Variants in LAPTM5 observed in about 807,000 individuals in gnomAD.
LAPTM5 encodes the protein lysosomal-associated transmembrane protein 5.
In LAPTM5, 11 loss-of-function variants were observed where a neutral mutation model predicts 30.1. That is an observed-to-expected ratio of 0.37 (90% confidence interval 0.23 to 0.60). The LOEUF is 0.60. Among genes scored for constraint, LAPTM5 ranks in the 20% least tolerant of loss-of-function variants. The pLI, the probability that LAPTM5 is intolerant of heterozygous loss-of-function variation, is 0.71. For synonymous variants in LAPTM5, 151 were observed against 137.9 expected, an observed-to-expected ratio of 1.10 and a Z score of -0.67; for missense variants, 324 against 332.5, an observed-to-expected ratio of 0.97 and a Z score of 0.20.
Position 30,739,704 on chromosome 1 carries a change from C to T in LAPTM5, c.387+105G>A. 1 of 1,344,358 alleles carries T rather than the reference C, an allele frequency of 7.4e-7. No homozygotes were observed. Among genetic ancestry groups the T allele is most frequent in the Non-Finnish European group, 9.9e-7 (1 of 1,014,300 alleles). The allele number at this position is 1,344,358 out of a possible 1,614,324, so 83.3% of individuals were successfully genotyped here. ...AAGACACCAGCCAGGAAGAGGGCTC[C>T]TACCCTCCCCAGCCTGAGCACAGGG... On this transcript the variant is annotated intron_variant, in intron 4 of 7. Transcript: ENST00000294507. The surrounding 1 kb of genome is among the most constrained non-coding windows in gnomAD (Gnocchi z 4.2).
chr1:30,742,957 G>A (rs988710361), intron 1 of LAPTM5, among the ~76,000 whole-genome samples: 1 of 152,086 alleles, frequency 6.6e-6, no homozygotes, highest in Non-Finnish European at 1.5e-5. Flanking sequence ...TGGGGTGGGG[G>A]GTAGAAGCTG....
Position 30,757,637 on chromosome 1 carries a change from C to T in LAPTM5, c.87+22G>A, listed in dbSNP as rs745667466. On this transcript the variant is annotated intron_variant, in intron 1 of 7. Transcript: ENST00000294507. ...ACTCACACAAGCACGCACGCACACA[C>T]ACCCGGGGCCCGCACACTCACCACA... The T allele has an allele frequency of 6.2e-6, 10 of 1,610,378 alleles. No homozygotes were observed. The East Asian group carries it at 1.1e-4, about 18-fold the overall frequency.
intron 3 of LAPTM5, 85 bp from the exon 4 acceptor site, chr1:30,740,022 T>A: frequency 7.1e-7 from 1 of 1,415,040 alleles, no homozygotes; most frequent in Non-Finnish European, 9.4e-7. Flanking sequence ...ATGCATCCCC[T>A]TCCCACCCTC....
rs907192764 is a variant in LAPTM5 at position 30,746,234 on chromosome 1, G to A, written c.88-3685C>T. ...TTCCCCTGGGGCCATTGGGATGACA[G>A]AACGCAGGAGGGTCAGTGGGGTGGA... On this transcript the variant is annotated intron_variant, in intron 1 of 7. Transcript: ENST00000294507. The surrounding 1 kb of genome is among the most constrained non-coding windows in gnomAD (Gnocchi z 4.0). The A allele has an allele frequency of 6.6e-6, 1 of 152,272 alleles. No individual in the cohort carries two copies. The highest frequency in any genetic ancestry group is 1.5e-5 in the Non-Finnish European group (1 of 68,110). 9.4% of individuals were successfully genotyped at this position (152,272 alleles called of 1,614,324 possible).
intron 1 of LAPTM5, among the ~76,000 whole-genome samples, chr1:30,745,642 G>A (rs149088114): frequency 9.2e-5 from 14 of 152,312 alleles, no homozygotes; most frequent in African/African-American, 2.9e-4. Flanking sequence ...GTCACAGAGC[G>A]AGGCAACCTC....
At position 30,738,988 on chromosome 1, in the gene LAPTM5, G is replaced by A; in HGVS notation, c.462C>T (p.Ser154=). ...TGAGATAGGTGGGCACTTCCATGTA[G>A]GAGCTGCAGAGGGTCAGGATGCTCA... The part of the protein sequence containing the change: ...FCLSILTLCS[S]YMEVPTYLNF... Residue 154 remains serine (S), a synonymous_variant, in exon 5 of 8, where the codon TCC becomes TCT. Transcript: ENST00000294507. 1 of 1,608,412 alleles carries A rather than the reference G, an allele frequency of 6.2e-7. No homozygotes were observed. Among genetic ancestry groups the A allele is most frequent in the Non-Finnish European group, 8.5e-7 (1 of 1,177,848 alleles).
Position 30,733,530 on chromosome 1 carries a change from AC to A in LAPTM5, c.*297del. ...AAGTCGATAGTTGCTTGACAAACTC[AC>A]CAACTTTAGAATGGCCAATCGTCTA... On this transcript the variant is annotated 3_prime_UTR_variant, in exon 8 of 8. Coordinates refer to ENST00000294507, the MANE Select transcript of LAPTM5 (RefSeq NM_006762.3). 1 of 1,439,078 alleles carries A rather than the reference AC, an allele frequency of 6.9e-7. No individual in the cohort carries two copies. 89.1% of individuals were successfully genotyped at this position (1,439,078 alleles called of 1,614,324 possible).
chr1:30,755,297 CT>C (rs1640194843), intron 1 of LAPTM5, among the ~76,000 whole-genome samples: 1 of 151,728 alleles, frequency 6.6e-6, no homozygotes, highest in Admixed American at 6.6e-5. Context: ...ACCATGGATG[CT>C]GCTGAACTTC....
intron 3 of LAPTM5, among the ~76,000 whole-genome samples, chr1:30,740,620 G>A (rs1403527394): frequency 6.6e-6 from 1 of 152,054 alleles, no homozygotes; most frequent in African/African-American, 2.4e-5. Flanking sequence ...GGTGTCTCAT[G>A]TGGTCGTCTA....
chr1:30,737,770 G>A, intron 5 of LAPTM5, 71 bp from the exon 6 acceptor site: 3 of 990,346 alleles, frequency 3.0e-6, no homozygotes. Context: ...ACACATCCGG[G>A]AATAATGATC....
At chr1:30,754,546 A>G (rs1640181844) in intron 1 of LAPTM5, among the ~76,000 whole-genome samples, 1 of 152,168 alleles carries the variant, frequency 6.6e-6, no homozygotes, top group South Asian at 2.1e-4. Flanking sequence ...TTAAAAACAA[A>G]AACAAAACAA....
In LAPTM5 at chr1:30,739,433, C is replaced by T. The variant is rs571413903; in HGVS notation, c.388-371G>A. On this transcript the variant is annotated intron_variant, in intron 4 of 7. Transcript: ENST00000294507. This position sits in a 1 kb window ranked among gnomAD's most constrained non-coding sequence, Gnocchi z 4.2. ...CACTGGCATGAATCATCCTTCTCTT[C>T]CTTTCTTCAACTTGGTTCCAAAGAA... Among the ~76,000 whole-genome samples, 1 of 152,336 alleles carries T rather than the reference C, an allele frequency of 6.6e-6. No homozygotes were observed. The highest frequency in any genetic ancestry group is 2.1e-4 in the South Asian group (1 of 4,830).
chr1:30,735,567 G>C (rs1190678092), intron 6 of LAPTM5, among the ~76,000 whole-genome samples: 1 of 152,178 alleles, frequency 6.6e-6, no homozygotes, highest in Non-Finnish European at 1.5e-5. Flanking sequence ...CACACTGCCT[G>C]GAAGCTCACT....
rs567755300 is a variant in LAPTM5 at position 30,746,937 on chromosome 1, ACT to A, written c.88-4390_88-4389del. The stretch of plus-strand genomic sequence containing the variant: ...TTTTGCTACCTCTGGGCATTCACTG[ACT>A]CTCAGTAAACACTCTCTGAGCACCT... On this transcript the variant is annotated intron_variant, in intron 1 of 7. Transcript: ENST00000294507. The surrounding 1 kb of genome is among the most constrained non-coding windows in gnomAD (Gnocchi z 4.0). Among the ~76,000 whole-genome samples, 3 of 151,898 alleles carry A rather than the reference ACT, an allele frequency of 2.0e-5. No homozygotes were observed. The highest frequency in any genetic ancestry group is 2.9e-5 in the Non-Finnish European group (2 of 67,964).
In LAPTM5 at chr1:30,739,232, G is replaced by C; in HGVS notation, c.388-170C>G. 1.2e-6 allele frequency: 1 copy of C among 848,648 alleles called. No individual in the cohort carries two copies. The highest frequency in any genetic ancestry group is 1.7e-6 in the Non-Finnish European group (1 of 577,068). 52.6% of individuals were successfully genotyped at this position (848,648 alleles called of 1,614,324 possible). ...GAACACACAGATGTTCATACCAAGA[G>C]CTGGTGGCAGACCCAAGACTAGAAC... On this transcript the variant is annotated intron_variant, in intron 4 of 7. Transcript: ENST00000294507. This position sits in a 1 kb window ranked among gnomAD's most constrained non-coding sequence, Gnocchi z 4.2.
rs746263342 is a variant in LAPTM5 at position 30,735,229 on chromosome 1, A to G, written c.643T>C (p.Leu215=). Residue 215 remains leucine, a synonymous_variant, in exon 7 of 8, where the codon TTG becomes CTG. Transcript: ENST00000294507. ...MFKCVWRCYR[L]IKCMNSVEEK... The stretch of plus-strand genomic sequence containing the variant: ...TCCACCGAGTTCATGCACTTGATCA[A>G]TCTGTAGCACCGCCACACGCACTTG... 18 of 1,613,910 alleles carry G rather than the reference A, an allele frequency of 1.1e-5. No individual in the cohort carries two copies. The highest frequency in any genetic ancestry group is 1.6e-4 in the Middle Eastern group (1 of 6,084).
intron 2 of LAPTM5, 199 bp from the exon 3 acceptor site, chr1:30,741,915 C>A: frequency 2.2e-6 from 1 of 448,034 alleles, no homozygotes; most frequent in South Asian, 2.7e-5. Flanking sequence ...CAGGAGGATG[C>A]GACAGAGGGT....
intron 1 of LAPTM5, among the ~76,000 whole-genome samples, 193 bp downstream of exon 1, chr1:30,757,466 C>T (rs1640227712): frequency 6.6e-6 from 1 of 152,186 alleles, no homozygotes; most frequent in Admixed American, 6.5e-5. Flanking sequence ...CGGCATCTCC[C>T]CAGGGTACCC....
intron 1 of LAPTM5, among the ~76,000 whole-genome samples, chr1:30,745,281 G>A (rs1640025811): frequency 6.6e-6 from 1 of 152,210 alleles, no homozygotes; most frequent in Non-Finnish European, 1.5e-5. Flanking sequence ...CCTCCCAGCT[G>A]GTCATATGCA....
Sources: gnomAD v4.1 joint callset for allele counts (sites outside exome capture counted in the v4.1 genomes callset) on GRCh38, gnomAD v4.1.1 for gene constraint, Gnocchi (gnomAD v3.1) non-coding constraint, MANE v1.5 for transcripts, NCBI Gene and HGNC (gene_info 2026-07-23, HGNC 2026-07-21) for gene names.